The following ZNF85 variants were observed in gnomAD, a reference collection of about 807,000 sequenced individuals.
The protein encoded by ZNF85 is zinc finger protein 85.
In ZNF85, 50 loss-of-function variants were observed where a neutral mutation model predicts 53.9. That is an observed-to-expected ratio of 0.93 (90% CI 0.74 to 1.17). The LOEUF (loss-of-function observed/expected upper bound fraction) is 1.17, where lower values mean the gene tolerates loss of function less well. ZNF85 is among the 50% of genes most tolerant of loss of function. The pLI is 0.00. For missense variants in ZNF85, 747 were observed against 688.5 expected (o/e 1.08, Z -0.95); for synonymous variants, 225 against 226.1 (o/e 1.00, Z 0.04).
In ZNF85 at chr19:20,949,995, C is replaced by T; in HGVS notation, c.1481C>T (p.Pro494Leu). The stretch of plus-strand genomic sequence containing the variant: ...GAATGTGGCAAAGGTTTTAAATGGC[C>T]CTCAACCCTTACTATCCATAAGATA... Reference protein sequence around the residue: ...CEECGKGFKWPSTLTIHKIIH... With the variant: ...CEECGKGFKWLSTLTIHKIIH... The change falls in exon 4 of 4, where the codon CCC becomes CTC. Residue 494 changes from proline (P) to leucine (L), a missense_variant. By Grantham distance (98) the Pro-to-Leu change is moderately conservative. Transcript: ENST00000328178. 1 of 1,612,472 alleles carries T rather than the reference C, an allele frequency of 6.2e-7. No individual in the cohort carries two copies.
intron 1 of ZNF85, chr19:20,928,281 T>G (rs189440601): frequency 5.9e-5 from 9 of 152,274 alleles, no homozygotes; most frequent in Admixed American, 3.3e-4. Context: ...AATGAGTAGG[T>G]GCTGGAGAAT....
At position 20,949,768 on chromosome 19, in the gene ZNF85, A is replaced by T; in HGVS notation, c.1254A>T (p.Ile418=). ...CTTCAACCCTTACTAAACATAAGAT[A>T]ATTCATACTGGAGAGAAGCCTTACA... The part of the protein sequence containing the change: ...KHSSTLTKHK[I]IHTGEKPYKC... The change falls in exon 4 of 4, where the codon ATA becomes ATT. Residue 418 remains isoleucine, a synonymous_variant. Transcript: ENST00000328178. The T allele has an allele frequency of 1.9e-6, 3 of 1,611,932 alleles. No individual in the cohort carries two copies. Among genetic ancestry groups the T allele is most frequent in the South Asian group, 1.1e-5 (1 of 90,802 alleles).
At chr19:20,946,424 G>A in intron 3 of ZNF85, 1 of 345,178 alleles carries the variant, frequency 2.9e-6, no homozygotes, top group Non-Finnish European at 5.5e-6. Flanking sequence ...GTTACCTGTT[G>A]CCTTCTAATA....
chr19:20,947,425 G>A (rs192097087), intron 3 of ZNF85, among the ~76,000 whole-genome samples: 222 of 110,772 alleles, frequency 2.0e-3, no homozygotes, highest in Non-Finnish European at 3.4e-3. Flanking sequence ...ATAATATGTT[G>A]TTTTCTTACA....
rs1973495861 is a variant in ZNF85 at position 20,949,089 on chromosome 19, A to G, written c.575A>G (p.His192Arg). 3 of 1,613,664 alleles carry G rather than the reference A, an allele frequency of 1.9e-6. No individual in the cohort carries two copies. Among genetic ancestry groups the G allele is most frequent in the Non-Finnish European group, 2.5e-6 (3 of 1,179,798 alleles). The change falls in exon 4 of 4, where the codon CAT (histidine) becomes CGT (arginine). Residue 192 changes from histidine to arginine, a missense_variant. Transcript: ENST00000328178. ...GGCATGATTTCATGCCTAACTGAAC[A>G]TAGCAGAATTCATACTAGAGTAAAT... is the stretch of plus-strand genomic sequence containing the variant. ...SFGMISCLTE[H>R]SRIHTRVNFY...
At chr19:20,923,693 C>G (rs933528820) in intron 1 of ZNF85, among the ~76,000 whole-genome samples, 7 of 149,696 alleles carry the variant, frequency 4.7e-5, no homozygotes, top group African/African-American at 1.7e-4. Flanking sequence ...GCAGGGACCA[C>G]GGGAGGGTTG....
chr19:20,925,906 A>G (rs1206491656), intron 1 of ZNF85, among the ~76,000 whole-genome samples: 1 of 152,236 alleles, frequency 6.6e-6, no homozygotes, highest in Non-Finnish European at 1.5e-5. Context: ...AGGCACAAAA[A>G]TATTTGCACA....
At chr19:20,942,920 C>A (rs1010673365) in intron 3 of ZNF85, 10 of 652,246 alleles carry the variant, frequency 1.5e-5, no homozygotes, top group Non-Finnish European at 2.5e-5. Context: ...GGACTACAGA[C>A]ATGCAGTACT....
intron 1 of ZNF85, among the ~76,000 whole-genome samples, chr19:20,925,867 T>TC (rs1972869404): frequency 6.6e-6 from 1 of 152,252 alleles, no homozygotes; most frequent in African/African-American, 2.4e-5. Flanking sequence ...CTTTTAATTG[T>TC]AAATTGCATT....
At position 20,948,871 on chromosome 19, in the gene ZNF85, A is replaced by C. The variant is rs1973487047; in HGVS notation, c.357A>C (p.Glu119Asp). The C allele has an allele frequency of 1.9e-6, 3 of 1,613,610 alleles. No individual in the cohort carries two copies. Among genetic ancestry groups the C allele is most frequent in the Non-Finnish European group, 2.5e-6 (3 of 1,179,764 alleles). The part of the protein sequence containing the change: ...HENLPLRKGC[E>D]SMDECKMHKG... The stretch of plus-strand genomic sequence containing the variant: ...ATTTACCATTAAGAAAAGGCTGTGA[A>C]AGTATGGATGAGTGTAAGATGCACA... The change falls in exon 4 of 4, where the codon GAA becomes GAC. Residue 119 changes from glutamate (E) to aspartate (D), a missense_variant. Physicochemically the swap from Glu to Asp is conservative, Grantham distance 45. Coordinates refer to ENST00000328178, the MANE Select transcript of ZNF85 (RefSeq NM_003429.5).
chr19:20,928,877 T>C (rs1972941305), intron 1 of ZNF85, among the ~76,000 whole-genome samples: 2 of 152,304 alleles, frequency 1.3e-5, no homozygotes, highest in South Asian at 4.1e-4. Context: ...ATGAAGTTTT[T>C]TTCTTTTAAC....
rs755193797 is a variant in ZNF85 at position 20,950,076 on chromosome 19, A to C, written c.1562A>C (p.Gln521Pro). ...KCEECGKAFN[Q>P]SSKLTKHKKI... ...GAAGAATGTGGCAAAGCTTTTAACC[A>C]ATCCTCAAAACTTACCAAACATAAG... Residue 521 changes from glutamine (Q) to proline (P), a missense_variant, in exon 4 of 4, where the codon CAA becomes CCA. Coordinates refer to ENST00000328178, the MANE Select transcript of ZNF85 (RefSeq NM_003429.5). The C allele has an allele frequency of 6.2e-7, 1 of 1,613,200 alleles. No individual in the cohort carries two copies. The highest frequency in any genetic ancestry group is 1.1e-5 in the South Asian group (1 of 91,058).
At chr19:20,946,831 A>C (rs1026364057) in intron 3 of ZNF85, among the ~76,000 whole-genome samples, 1 of 152,056 alleles carries the variant, frequency 6.6e-6, no homozygotes, top group African/African-American at 2.4e-5. Flanking sequence ...TTATCATTAG[A>C]TCGCAACTGA....
chr19:20,949,072 T>A lies in ZNF85; in HGVS notation c.558T>A (p.Ile186=). 1 of 1,613,858 alleles carries A rather than the reference T, an allele frequency of 6.2e-7. No individual in the cohort carries two copies. The highest frequency in any genetic ancestry group is 8.5e-7 in the Non-Finnish European group (1 of 1,179,814). The part of the protein sequence containing the change: ...CTKCGKSFGM[I]SCLTEHSRIH... The stretch of plus-strand genomic sequence containing the variant: ...AATGTGGCAAATCATTTGGCATGAT[T>A]TCATGCCTAACTGAACATAGCAGAA... Residue 186 remains isoleucine (I), a synonymous_variant, in exon 4 of 4, where the codon ATT becomes ATA. Coordinates refer to ENST00000328178, the MANE Select transcript of ZNF85 (RefSeq NM_003429.5).
At chr19:20,944,627 T>G (rs1013776649) in intron 3 of ZNF85, among the ~76,000 whole-genome samples, 4 of 150,154 alleles carry the variant, frequency 2.7e-5, no homozygotes, top group Non-Finnish European at 5.9e-5. Context: ...TGTATTACTT[T>G]TTTGCTATAT....
At position 20,950,169 on chromosome 19, in the gene ZNF85, A is replaced by T; in HGVS notation, c.1655A>T (p.Asn552Ile). The T allele has an allele frequency of 6.2e-7, 1 of 1,613,432 alleles. No homozygotes were observed. The highest frequency in any genetic ancestry group is 8.5e-7 in the Non-Finnish European group (1 of 1,179,746). Reference sequence around the variant, plus strand: ...GGCAAAGCCTTTAACCAGTCCTCAAACCTTACTAAACATAAGAGAATTCAT... The same window carrying T: ...GGCAAAGCCTTTAACCAGTCCTCAATCCTTACTAAACATAAGAGAATTCAT... The part of the protein sequence containing the change: ...ECGKAFNQSS[N>I]LTKHKRIHTG... Residue 552 changes from asparagine (N) to isoleucine (I), a missense_variant, in exon 4 of 4, where the codon AAC (asparagine) becomes ATC (isoleucine). Transcript: ENST00000328178.
intron 3 of ZNF85, among the ~76,000 whole-genome samples, chr19:20,936,310 T>C (rs1267940120): frequency 6.6e-6 from 1 of 152,260 alleles, no homozygotes; most frequent in Non-Finnish European, 1.5e-5. Flanking sequence ...CTAATTCTTC[T>C]GCCACATACT....
At position 20,950,021 on chromosome 19, in the gene ZNF85, A is replaced by G; in HGVS notation, c.1507A>G (p.Ile503Val). 6.2e-7 allele frequency: 1 copy of G among 1,613,072 alleles called. No individual in the cohort carries two copies. Among genetic ancestry groups the G allele is most frequent in the South Asian group, 1.1e-5 (1 of 91,036 alleles). ...CTCAACCCTTACTATCCATAAGATA[A>G]TTCATACTGGAGAGAAACCATACAA... ...WPSTLTIHKI[I>V]HTGEKPYKCE... is the part of the protein sequence containing the mutation. Residue 503 changes from isoleucine (I) to valine (V), a missense_variant, in exon 4 of 4, where the codon ATT becomes GTT. Physicochemically the swap from Ile to Val is conservative, Grantham distance 29. Coordinates refer to ENST00000328178, the MANE Select transcript of ZNF85 (RefSeq NM_003429.5).
intron 3 of ZNF85, among the ~76,000 whole-genome samples, chr19:20,947,941 A>C (rs17679995): frequency 0.11 from 17,166 of 151,924 alleles, 1,004 homozygotes; most frequent in Non-Finnish European, 0.13. Context: ...TAGCTTTCTG[A>C]AATTTTTATG....
Sources: allele counts gnomAD v4.1 joint callset (sites outside exome capture counted in the v4.1 genomes callset), GRCh38; gene constraint gnomAD v4.1.1; transcripts MANE v1.5; gene names NCBI Gene and HGNC (gene_info 2026-07-23, HGNC 2026-07-21).